The following TAFA2 variants were observed in gnomAD, a reference collection of about 807,000 sequenced individuals.
The protein encoded by TAFA2 is TAFA chemokine like family member 2.
In TAFA2, 7 loss-of-function variants were observed where a neutral mutation model predicts 18.8. The observed-to-expected ratio is 0.37, with a 90% confidence interval of 0.21 to 0.70. TAFA2 has a LOEUF of 0.70. Ranked by LOEUF, TAFA2 falls within the 30% of genes least tolerant of loss-of-function variation. The pLI is 0.53. For missense variants in TAFA2, 122 were observed against 158.1 expected (o/e 0.77, Z 1.23); for synonymous variants, 60 against 54.2 (o/e 1.11, Z -0.47).
chr12:61,896,689 T>C (rs1182793268), intron 1 of TAFA2, among the ~76,000 whole-genome samples: 1 of 152,166 alleles, frequency 6.6e-6, no homozygotes, highest in African/African-American at 2.4e-5. Context: ...TATTCTTATC[T>C]TGCCAACACT....
intron 2 of TAFA2, among the ~76,000 whole-genome samples, chr12:61,849,308 T>G (rs1465679474): frequency 2.0e-5 from 3 of 152,190 alleles, no homozygotes; most frequent in Non-Finnish European, 4.4e-5. Context: ...CCCTAAACAC[T>G]TCTGACTTTA....
At chr12:62,012,788 C>A (rs762046903) in intron 1 of TAFA2, among the ~76,000 whole-genome samples, 10 of 152,056 alleles carry the variant, frequency 6.6e-5, no homozygotes, top group Non-Finnish European at 1.5e-4. Context: ...ATAACACACT[C>A]AGAAGAAAAA....
intron 1 of TAFA2, among the ~76,000 whole-genome samples, chr12:62,058,806 T>TA (rs1273287225): frequency 1.3e-5 from 2 of 152,074 alleles, no homozygotes; most frequent in African/African-American, 4.8e-5. Context: ...AAAGAAATTT[T>TA]AAAAAATATA....
At chr12:62,117,133 T>G (rs1323356602) in intron 1 of TAFA2, among the ~76,000 whole-genome samples, 2 of 152,162 alleles carry the variant, frequency 1.3e-5, no homozygotes, top group African/African-American at 2.4e-5. Flanking sequence ...TTCTTTAATA[T>G]CACTCAGTCT....
intron 1 of TAFA2, among the ~76,000 whole-genome samples, chr12:61,891,428 C>G (rs1438129504): frequency 6.6e-6 from 1 of 152,166 alleles, no homozygotes; most frequent in Non-Finnish European, 1.5e-5. Context: ...GGGCGGATCC[C>G]CTGAAGTCAG....
chr12:61,975,749 T>C (rs901115209), intron 1 of TAFA2, among the ~76,000 whole-genome samples: 2 of 151,784 alleles, frequency 1.3e-5, no homozygotes, highest in African/African-American at 4.8e-5. Context: ...AGGTTGTTGG[T>C]TAAGGGTACA....
intron 4 of TAFA2, among the ~76,000 whole-genome samples, chr12:61,745,826 T>C (rs1471854796): frequency 6.6e-6 from 1 of 151,862 alleles, no homozygotes; most frequent in African/African-American, 2.4e-5. Flanking sequence ...TAATCATCTG[T>C]ACCCCGAAAA....
chr12:61,887,096 C>A (rs1875416677), intron 1 of TAFA2, among the ~76,000 whole-genome samples: 1 of 152,218 alleles, frequency 6.6e-6, no homozygotes, highest in Admixed American at 6.5e-5. Context: ...ATTAACTAGG[C>A]AGGCTGCCAT....
chr12:62,106,260 G>C (rs895933874), intron 1 of TAFA2, among the ~76,000 whole-genome samples: 3 of 151,908 alleles, frequency 2.0e-5, no homozygotes, highest in African/African-American at 7.3e-5. Flanking sequence ...CTTGAACCTG[G>C]GAGGCAGACA....
At chr12:61,975,435 T>C (rs1879395085) in intron 1 of TAFA2, among the ~76,000 whole-genome samples, 1 of 151,686 alleles carries the variant, frequency 6.6e-6, no homozygotes, top group Admixed American at 6.6e-5. Context: ...TCTGGCTTAT[T>C]TCACTTAGCA....
At chr12:61,772,249 A>G (rs1312538684) in intron 2 of TAFA2, among the ~76,000 whole-genome samples, 1 of 151,986 alleles carries the variant, frequency 6.6e-6, no homozygotes, top group Non-Finnish European at 1.5e-5. Flanking sequence ...ATTGCCAAGA[A>G]AAAACAAGTC....
intron 1 of TAFA2, among the ~76,000 whole-genome samples, chr12:61,926,142 C>T (rs985170753): frequency 4.0e-5 from 6 of 151,766 alleles, no homozygotes; most frequent in African/African-American, 1.5e-4. Flanking sequence ...CCTTCCAAGA[C>T]TAAACAAGTC....
intron 1 of TAFA2, among the ~76,000 whole-genome samples, chr12:61,984,142 C>T (rs541833342): frequency 1.3e-5 from 2 of 152,330 alleles, no homozygotes; most frequent in South Asian, 4.1e-4. Flanking sequence ...AAAGTGTAGA[C>T]ACACTAAAAG....
chr12:62,098,393 A>T (rs1243866669), intron 1 of TAFA2, among the ~76,000 whole-genome samples: 1 of 152,166 alleles, frequency 6.6e-6, no homozygotes, highest in Non-Finnish European at 1.5e-5. Flanking sequence ...AAGAGAAAAA[A>T]GCTAGGTTTT....
chr12:61,976,976 A>G (rs1879460298), intron 1 of TAFA2, among the ~76,000 whole-genome samples: 1 of 152,202 alleles, frequency 6.6e-6, no homozygotes, highest in East Asian at 1.9e-4. Context: ...TAGTGCCGTA[A>G]TAAACATACA....
At chr12:62,239,014 A>G (rs2062850232) in intron 1 of TAFA2, among the ~76,000 whole-genome samples, 1 of 152,158 alleles carries the variant, frequency 6.6e-6, no homozygotes, top group Non-Finnish European at 1.5e-5. Context: ...GAAGAACAAA[A>G]CTTTTTCCAA....
At chr12:62,069,179 C>CCAGTGACT (rs1882565275) in intron 1 of TAFA2, among the ~76,000 whole-genome samples, 1 of 152,132 alleles carries the variant, frequency 6.6e-6, no homozygotes, top group African/African-American at 2.4e-5. Context: ...CAGGCTGACT[C>CCAGTGACT]CTTTCTCACT....
intron 2 of TAFA2, among the ~76,000 whole-genome samples, chr12:61,757,227 G>T (rs1472902857): frequency 3.3e-5 from 5 of 152,038 alleles, no homozygotes; most frequent in Non-Finnish European, 7.4e-5. Flanking sequence ...CAGCAGAGAT[G>T]GGGAGAAGTA....
At chr12:61,764,495 C>CAT (rs1869703957) in intron 2 of TAFA2, among the ~76,000 whole-genome samples, 1 of 151,898 alleles carries the variant, frequency 6.6e-6, no homozygotes, top group Non-Finnish European at 1.5e-5. Flanking sequence ...AGGATTGGGG[C>CAT]TCTCATGTGT....
Sources: allele counts gnomAD v4.1 joint callset (sites outside exome capture counted in the v4.1 genomes callset), GRCh38; gene constraint gnomAD v4.1.1; transcripts MANE v1.5; gene names NCBI Gene and HGNC (gene_info 2026-07-23, HGNC 2026-07-21).